Variants in TP63 observed in about 807,000 individuals in gnomAD.
TP63 encodes tumor protein p63, also known as tumor protein 63.
In TP63, 17 loss-of-function variants were observed where a neutral mutation model predicts 82.8. The ratio of observed to expected loss-of-function variants is 0.21; its 90% CI spans 0.14 to 0.31. The LOEUF is 0.31. TP63 is among the 10% of genes least tolerant of loss of function. TP63 has a pLI of 1.00. For missense variants in TP63, 648 were observed against 895.3 expected (o/e 0.72, Z 3.52); for synonymous variants, 330 against 321.7 (o/e 1.03, Z -0.28).
intron 3 of TP63, among the ~76,000 whole-genome samples, chr3:189,742,071 C>T (rs1318384753): frequency 2.6e-5 from 4 of 151,766 alleles, no homozygotes; most frequent in Non-Finnish European, 5.9e-5. Context: ...GGTGGATACC[C>T]GTCTCTACTA....
At chr3:189,813,807 T>C (rs1178080850) in intron 4 of TP63, among the ~76,000 whole-genome samples, 1 of 152,178 alleles carries the variant, frequency 6.6e-6, no homozygotes, top group East Asian at 1.9e-4. Flanking sequence ...TTTTCTCTCA[T>C]AATTAAAGGA....
intron 3 of TP63, among the ~76,000 whole-genome samples, chr3:189,785,533 C>T (rs1175574647): frequency 1.3e-5 from 2 of 151,982 alleles, no homozygotes; most frequent in East Asian, 1.9e-4. Context: ...GAGAAATTCT[C>T]ACATCGGTAG....
chr3:189,633,200 T>A (rs1264297332), intron 1 of TP63, among the ~76,000 whole-genome samples: 3 of 152,060 alleles, frequency 2.0e-5, no homozygotes, highest in Non-Finnish European at 4.4e-5. Context: ...ACTGTAATAT[T>A]CTAAGCAATC....
intron 3 of TP63, among the ~76,000 whole-genome samples, chr3:189,759,154 C>T (rs554983831): frequency 1.3e-5 from 2 of 152,090 alleles, no homozygotes; most frequent in African/African-American, 2.4e-5. Flanking sequence ...TGGTTCTCAC[C>T]GTGTGTTCTC....
In TP63 at chr3:189,730,524, C is replaced by T. The variant is rs77011051; in HGVS notation, c.63-7216C>T. On this transcript the variant is annotated intron_variant, in intron 1 of 13. Coordinates refer to ENST00000264731, the MANE Select transcript of TP63 (RefSeq NM_003722.5). The stretch of plus-strand genomic sequence containing the variant: ...GCCACATATGTAATTTAGCAAAGCA[C>T]GAATTTGAAACAATATAAATTTAAA... 7.5e-3 allele frequency among the ~76,000 whole-genome samples: 1,149 copies of T among 152,260 alleles called. 11 individuals carry two copies. The highest frequency in any genetic ancestry group is 0.024 in the African/African-American group (1,006 of 41,556).
intron 1 of TP63, among the ~76,000 whole-genome samples, chr3:189,698,079 G>A (rs1367771081): frequency 6.6e-6 from 1 of 152,022 alleles, no homozygotes; most frequent in African/African-American, 2.4e-5. Context: ...GAATAGGACT[G>A]GTGATAAAAG....
intron 3 of TP63, among the ~76,000 whole-genome samples, chr3:189,796,543 C>CTT (rs201902139): frequency 6.6e-6 from 1 of 151,704 alleles, no homozygotes; most frequent in African/African-American, 2.4e-5. Context: ...ATTTCTTTCT[C>CTT]TTTTTTTTAC....
At chr3:189,815,597 TC>T (rs1224945238) in intron 4 of TP63, among the ~76,000 whole-genome samples, 2 of 152,274 alleles carry the variant, frequency 1.3e-5, no homozygotes, top group African/African-American at 4.8e-5. Context: ...TATCTTCATA[TC>T]TTAAAATGAT....
At chr3:189,749,717 AG>A (rs1349537307) in intron 3 of TP63, among the ~76,000 whole-genome samples, 10 of 152,240 alleles carry the variant, frequency 6.6e-5, no homozygotes, top group Non-Finnish European at 1.2e-4. Context: ...TATATCAAAA[AG>A]GATACATGCA....
At chr3:189,655,815 T>A (rs1452807787) in intron 1 of TP63, among the ~76,000 whole-genome samples, 1 of 152,122 alleles carries the variant, frequency 6.6e-6, no homozygotes, top group Non-Finnish European at 1.5e-5. Context: ...ACCCACACAT[T>A]GTTGGGCTTT....
At chr3:189,859,564 T>C (rs565681370) in intron 4 of TP63, among the ~76,000 whole-genome samples, 16 of 152,128 alleles carry the variant, frequency 1.1e-4, no homozygotes, top group Middle Eastern at 3.2e-3. Context: ...CAATACCAAA[T>C]GCTGACAAGG....
intron 10 of TP63, among the ~76,000 whole-genome samples, chr3:189,885,115 A>G (rs989307313): frequency 7.2e-5 from 11 of 152,248 alleles, no homozygotes; most frequent in African/African-American, 2.7e-4. Context: ...GTGACAGGGA[A>G]AAGGTAAACA....
At position 189,861,392 on chromosome 3, in the gene TP63, G is replaced by A. The variant is rs1048638265; in HGVS notation, c.580-2840G>A. On this transcript the variant is annotated intron_variant, in intron 4 of 13. Coordinates refer to ENST00000264731, the MANE Select transcript of TP63 (RefSeq NM_003722.5). ...TATGGTGTGTTTGAAGCATTAAAAC[G>A]TTTGTATGGGTAGAACATGGGGTGA... Among the ~76,000 whole-genome samples the A allele has an allele frequency of 2.0e-5, 3 of 147,594 alleles. No homozygotes were observed. The East Asian group carries it at 6.3e-4, about 31-fold the overall frequency.
chr3:189,605,575 C>T, the TP63 span, among the ~76,000 whole-genome samples: 411 of 152,110 alleles, frequency 2.7e-3, 2 homozygotes, highest in Middle Eastern at 0.01. Context: ...TTTTCTAAGC[C>T]GCAATATAGA....
chr3:189,597,684 C>T, the TP63 span, among the ~76,000 whole-genome samples: 4 of 152,036 alleles, frequency 2.6e-5, no homozygotes, highest in African/African-American at 7.2e-5. Context: ...CAGAACTTTG[C>T]GAGGCCAGGC....
intron 1 of TP63, among the ~76,000 whole-genome samples, chr3:189,696,928 G>A (rs1336188746): frequency 6.6e-6 from 1 of 152,026 alleles, no homozygotes; most frequent in East Asian, 1.9e-4. Flanking sequence ...TATTTTGGAT[G>A]TAAGCCCTTT....
At chr3:189,782,117 A>G (rs547054513) in intron 3 of TP63, among the ~76,000 whole-genome samples, 26 of 152,300 alleles carry the variant, frequency 1.7e-4, no homozygotes, top group African/African-American at 6.0e-4. Flanking sequence ...TTCATGCATG[A>G]TCCTGAAATG....
intron 4 of TP63, among the ~76,000 whole-genome samples, chr3:189,861,257 T>C (rs1717003856): frequency 6.6e-6 from 1 of 152,156 alleles, no homozygotes; most frequent in African/African-American, 2.4e-5. Context: ...TGATACTTGA[T>C]TTTCTTTTTC....
chr3:189,893,214 T>C (rs557810490), intron 13 of TP63, among the ~76,000 whole-genome samples: 1 of 152,364 alleles, frequency 6.6e-6, no homozygotes, highest in African/African-American at 2.4e-5. Context: ...AATACTTTCA[T>C]AGCTGTATTT....
Sources: gnomAD v4.1 joint callset for allele counts (sites outside exome capture counted in the v4.1 genomes callset) on GRCh38, gnomAD v4.1.1 for gene constraint, MANE v1.5 for transcripts, NCBI Gene and HGNC (gene_info 2026-07-23, HGNC 2026-07-21) for gene names.